PTK2: variants seen among roughly 807,000 people sequenced by gnomAD.
PTK2 encodes the protein protein tyrosine kinase 2.
PTK2 carries 45 observed loss-of-function variants against 150.1 expected under a neutral mutation model. That is an observed-to-expected ratio of 0.30 (90% CI 0.24 to 0.38). The LOEUF is 0.38. Among genes scored for constraint, PTK2 ranks in the 10% least tolerant of loss-of-function variants. The pLI, the probability that PTK2 is intolerant of heterozygous loss-of-function variation, is 1.00. For missense variants in PTK2, 919 were observed against 1,307.3 expected (o/e 0.70, Z 4.58); for synonymous variants, 432 against 449.2 (o/e 0.96, Z 0.48).
chr8:140,797,705 T>C (rs566589990), intron 12 of PTK2, among the ~76,000 whole-genome samples: 1 of 152,344 alleles, frequency 6.6e-6, no homozygotes, highest in African/African-American at 2.4e-5. Flanking sequence ...GTAGGTTAGA[T>C]AATGCCCTAC....
intron 2 of PTK2, among the ~76,000 whole-genome samples, chr8:140,900,537 C>T (rs1272833670): frequency 1.3e-5 from 2 of 152,038 alleles, no homozygotes; most frequent in African/African-American, 4.8e-5. Context: ...GCCTCACCAA[C>T]ATGGCGAAAC....
At chr8:140,676,149 G>T (rs539706895) in intron 27 of PTK2, among the ~76,000 whole-genome samples, 1 of 152,152 alleles carries the variant, frequency 6.6e-6, no homozygotes, top group South Asian at 2.1e-4. Flanking sequence ...GGTCAAAATG[G>T]GCGATAACCT....
intron 7 of PTK2, among the ~76,000 whole-genome samples, chr8:140,840,647 A>G (rs2154603837): frequency 6.6e-6 from 1 of 152,324 alleles, no homozygotes; most frequent in East Asian, 1.9e-4. Flanking sequence ...CAACGTAATT[A>G]CAGAAGAAAA....
At chr8:140,927,975 A>AAAAAAAAAAAAATATATAT in intron 1 of PTK2, among the ~76,000 whole-genome samples, 1 of 48,192 alleles carries the variant, frequency 2.1e-5, no homozygotes, top group Non-Finnish European at 3.4e-5. Context: ...AAAAAAAAAA[A>AAAAAAAAAAAAATATATAT]ATATATATAT....
At chr8:140,802,691 A>G (rs1205019598) in intron 11 of PTK2, among the ~76,000 whole-genome samples, 2 of 152,134 alleles carry the variant, frequency 1.3e-5, no homozygotes, top group Non-Finnish European at 2.9e-5. Context: ...TATCTTCTAT[A>G]CTGTATTTTT....
At chr8:140,696,221 G>A (rs4961287) in intron 26 of PTK2, among the ~76,000 whole-genome samples, 43,040 of 152,098 alleles carry the variant, frequency 0.28, 6,855 homozygotes, top group Admixed American at 0.39. Context: ...CTTTAGTGGA[G>A]GAGACAGGAA....
At chr8:140,849,832 C>G (rs1308316542) in intron 5 of PTK2, among the ~76,000 whole-genome samples, 3 of 152,214 alleles carry the variant, frequency 2.0e-5, no homozygotes, top group Non-Finnish European at 4.4e-5. Context: ...GTATTAAAGT[C>G]AGGATTCAAA....
intron 2 of PTK2, among the ~76,000 whole-genome samples, chr8:140,919,364 C>T (rs2100166522): frequency 6.6e-6 from 1 of 152,198 alleles, no homozygotes. Flanking sequence ...CCATCAATCA[C>T]TTTGGGGTGA....
intron 17 of PTK2, 120 bp downstream of exon 20, chr8:140,752,112 A>G: frequency 2.3e-6 from 2 of 866,618 alleles, no homozygotes; most frequent in South Asian, 1.5e-5. Context: ...GCAAGGCAAA[A>G]TAATAAACAT....
intron 10 of PTK2, among the ~76,000 whole-genome samples, chr8:140,812,162 A>T (rs4406451): frequency 0.27 from 40,793 of 152,096 alleles, 5,966 homozygotes; most frequent in Admixed American, 0.38. Context: ...TAGAAGGGCC[A>T]GGTCACCTGC....
intron 14 of PTK2, among the ~76,000 whole-genome samples, chr8:140,778,881 AATT>A (rs1335186305): frequency 6.6e-6 from 1 of 152,148 alleles, no homozygotes; most frequent in Non-Finnish European, 1.5e-5. Context: ...TTAAAATTGA[AATT>A]ATAGGAGAGT....
At chr8:140,657,959 T>C (rs992483631) in exon 32 of PTK2, 6 of 152,216 alleles carry the variant, frequency 3.9e-5, no homozygotes, top group African/African-American at 1.4e-4. Context: ...TCCCTCCCTT[T>C]GGAGTCTGAG....
chr8:140,675,465 T>A, exon 28 of PTK2: 3 of 1,612,720 alleles, frequency 1.9e-6, no homozygotes, highest in Non-Finnish European at 2.5e-6. Flanking sequence ...TTTACCTGGT[T>A]TACCCACAGG....
At chr8:140,710,012 ATAAGTATAATAAC>A (rs1490466125) in intron 23 of PTK2, among the ~76,000 whole-genome samples, 2 of 152,182 alleles carry the variant, frequency 1.3e-5, no homozygotes. Flanking sequence ...AAACAAAAAG[ATAAGTATAATAAC>A]TATGTAAGCC....
At chr8:140,871,122 C>A (rs1046662692) in intron 4 of PTK2, among the ~76,000 whole-genome samples, 2 of 152,056 alleles carry the variant, frequency 1.3e-5, no homozygotes, top group Admixed American at 1.3e-4. Context: ...ATGGACAGAC[C>A]ATTTTGAAGT....
intron 4 of PTK2, among the ~76,000 whole-genome samples, chr8:140,872,606 T>C (rs1256084669): frequency 6.6e-6 from 1 of 152,140 alleles, no homozygotes; most frequent in African/African-American, 2.4e-5. Context: ...ATTTTCAAAC[T>C]CAGCCTCAGA....
chr8:140,892,579 T>G (rs750075911), intron 2 of PTK2: 1 of 455,480 alleles, frequency 2.2e-6, no homozygotes, highest in Non-Finnish European at 4.3e-6. Context: ...AACCCTCTGT[T>G]GGTATCAAAC....
chr8:140,818,601 A>G (rs766842300), intron 9 of PTK2, among the ~76,000 whole-genome samples: 1 of 152,256 alleles, frequency 6.6e-6, no homozygotes, highest in Non-Finnish European at 1.5e-5. Flanking sequence ...GATTATCTAA[A>G]TAGGTAAACT....
At chr8:140,695,608 G>A (rs529022341) in intron 26 of PTK2, among the ~76,000 whole-genome samples, 1 of 151,922 alleles carries the variant, frequency 6.6e-6, no homozygotes, top group African/African-American at 2.4e-5. Context: ...ATGGGGTTTG[G>A]CCATGTTGGT....
Sources: gnomAD v4.1 joint callset for allele counts (sites outside exome capture counted in the v4.1 genomes callset) on GRCh38, gnomAD v4.1.1 for gene constraint, MANE v1.5 for transcripts, NCBI Gene and HGNC (gene_info 2026-07-23, HGNC 2026-07-21) for gene names.